Variants in PTPN1 observed in about 807,000 individuals in gnomAD.
PTPN1 encodes tyrosine-protein phosphatase non-receptor type 1.
A neutral mutation model predicts 59.9 loss-of-function variants in PTPN1; 12 were observed. That is an observed-to-expected ratio of 0.20 (90% CI 0.13 to 0.32). PTPN1 has a LOEUF of 0.32. PTPN1 is among the 10% of genes least tolerant of loss of function. PTPN1 has a pLI of 1.00. For synonymous variants in PTPN1, 178 were observed against 203.6 expected (o/e 0.87, Z 1.07); for missense variants, 356 against 549.2 (o/e 0.65, Z 3.52).
intron 2 of PTPN1, chr20:50,563,183 T>C (rs1454413300): frequency 2.6e-5 from 4 of 151,698 alleles, no homozygotes; most frequent in Non-Finnish European, 5.9e-5. Context: ...TCCTCTTATC[T>C]TCCTCCCGTA....
intron 1 of PTPN1, among the ~76,000 whole-genome samples, chr20:50,546,377 T>A (rs1185208747): frequency 6.6e-6 from 1 of 152,198 alleles, no homozygotes; most frequent in Non-Finnish European, 1.5e-5. Flanking sequence ...GTTGCCTGCT[T>A]CCTCTCTTCC....
chr20:50,525,894 G>T (rs904915704), intron 1 of PTPN1, among the ~76,000 whole-genome samples: 1 of 152,112 alleles, frequency 6.6e-6, no homozygotes, highest in Non-Finnish European at 1.5e-5. Flanking sequence ...CTGAAGTGTA[G>T]CCGTTATATG....
At chr20:50,554,618 G>A (rs2082718097) in intron 1 of PTPN1, among the ~76,000 whole-genome samples, 1 of 151,242 alleles carries the variant, frequency 6.6e-6, no homozygotes, top group Non-Finnish European at 1.5e-5. Context: ...TTTATTTAAA[G>A]CAAAAATAAA....
chr20:50,524,567 GTCT>G (rs2082565061), intron 1 of PTPN1, among the ~76,000 whole-genome samples: 1 of 64,112 alleles, frequency 1.6e-5, no homozygotes, highest in African/African-American at 8.0e-5. Context: ...CCATTATGTG[GTCT>G]TTTTTTTTTT....
At chr20:50,552,142 C>T (rs768278965) in intron 1 of PTPN1, among the ~76,000 whole-genome samples, 4 of 152,264 alleles carry the variant, frequency 2.6e-5, no homozygotes, top group East Asian at 1.9e-4. Flanking sequence ...TTTGCTGTTA[C>T]GGTACGGTAG....
intron 1 of PTPN1, among the ~76,000 whole-genome samples, chr20:50,523,453 A>G (rs773880247): frequency 6.6e-5 from 10 of 152,212 alleles, no homozygotes; most frequent in Non-Finnish European, 1.2e-4. Flanking sequence ...TTTTTTGTGT[A>G]TGTGAAATTA....
chr20:50,557,094 C>T (rs1267372087), intron 1 of PTPN1, among the ~76,000 whole-genome samples: 1 of 152,184 alleles, frequency 6.6e-6, no homozygotes, highest in Non-Finnish European at 1.5e-5. Flanking sequence ...TGGTGGTTTG[C>T]TGTCCCCACC....
chr20:50,566,793 A>G (rs2082781237), intron 3 of PTPN1, among the ~76,000 whole-genome samples: 1 of 152,124 alleles, frequency 6.6e-6, no homozygotes, highest in Non-Finnish European at 1.5e-5. Flanking sequence ...CCTTCAGACC[A>G]TTCTAAACTG....
At chr20:50,527,777 C>T (rs1180343944) in intron 1 of PTPN1, among the ~76,000 whole-genome samples, 1 of 152,210 alleles carries the variant, frequency 6.6e-6, no homozygotes, top group Non-Finnish European at 1.5e-5. Flanking sequence ...ATTCCCTTCC[C>T]TGTTTTAATA....
chr20:50,567,852 T>C (rs965965230), intron 3 of PTPN1, among the ~76,000 whole-genome samples: 1 of 152,206 alleles, frequency 6.6e-6, no homozygotes, highest in Non-Finnish European at 1.5e-5. Context: ...GCTAAGTACT[T>C]TATAGAAATG....
intron 1 of PTPN1, among the ~76,000 whole-genome samples, chr20:50,535,984 G>A (rs768899348): frequency 6.6e-6 from 1 of 152,142 alleles, no homozygotes; most frequent in Admixed American, 6.5e-5. Flanking sequence ...AGAGAAAAGA[G>A]GTTAAAATCT....
chr20:50,574,326 C>T (rs948841047), intron 4 of PTPN1, 191 bp from the exon 5 acceptor site: 4 of 562,110 alleles, frequency 7.1e-6, no homozygotes, highest in Non-Finnish European at 6.0e-6. Flanking sequence ...CACAACCTGC[C>T]CCGGTCAGCA....
Position 50,583,957 on chromosome 20 carries a change from C to T in PTPN1, c.*1242C>T, listed in dbSNP as rs1321529104. 1 of 152,610 alleles carries T rather than the reference C, an allele frequency of 6.6e-6. No homozygotes were observed. Among genetic ancestry groups the T allele is most frequent in the Non-Finnish European group, 1.5e-5 (1 of 68,054 alleles). 9.5% of individuals were successfully genotyped at this position (152,610 alleles called of 1,614,324 possible). Reference sequence around the variant, plus strand: ...GAGGCACCTGCTGGAAACCACACTTCTTGAAACAGCCTGGGTGACGGTCCT... The same window carrying T: ...GAGGCACCTGCTGGAAACCACACTTTTTGAAACAGCCTGGGTGACGGTCCT... On this transcript the variant is annotated 3_prime_UTR_variant, in exon 10 of 10. Coordinates refer to ENST00000371621, the MANE Select transcript of PTPN1 (RefSeq NM_002827.4).
chr20:50,580,221 C>T (rs184411000), intron 8 of PTPN1, among the ~76,000 whole-genome samples: 17 of 152,268 alleles, frequency 1.1e-4, no homozygotes, highest in Non-Finnish European at 1.8e-4. Context: ...TTTCTGCCCC[C>T]CCTGACGACA....
At chr20:50,562,906 C>T (rs910442547) in intron 2 of PTPN1, 1 of 152,096 alleles carries the variant, frequency 6.6e-6, no homozygotes, top group Non-Finnish European at 1.5e-5. Flanking sequence ...ATAATCTTGT[C>T]TTTAATATTC....
chr20:50,567,617 C>G (rs1156909008), intron 3 of PTPN1, among the ~76,000 whole-genome samples: 1 of 152,142 alleles, frequency 6.6e-6, no homozygotes, highest in African/African-American at 2.4e-5. Flanking sequence ...AACATCTGTG[C>G]CCATTGCCAG....
At chr20:50,516,974 T>C (rs926051893) in intron 1 of PTPN1, among the ~76,000 whole-genome samples, 5 of 152,254 alleles carry the variant, frequency 3.3e-5, no homozygotes, top group African/African-American at 1.2e-4. Context: ...TGCTTTACTT[T>C]GTGTAGAAAT....
At chr20:50,537,395 T>A (rs1398161668) in intron 1 of PTPN1, among the ~76,000 whole-genome samples, 1 of 152,140 alleles carries the variant, frequency 6.6e-6, no homozygotes, top group Non-Finnish European at 1.5e-5. Context: ...CTTTGCCTAG[T>A]TCCCCCATCC....
rs778546018 is a variant in PTPN1 at position 50,581,333 on chromosome 20, C to T, written c.1157C>T (p.Ser386Phe). ...AGTCTTCGAGGTGCCCAGGCTGCCTCCCCAGCCAAAGGGGAGCCGTCACTG... is the reference window on the plus strand; with the variant it reads ...AGTCTTCGAGGTGCCCAGGCTGCCTTCCCAGCCAAAGGGGAGCCGTCACTG... The part of the protein sequence containing the change: ...GGSLRGAQAA[S>F]PAKGEPSLPE... Residue 386 changes from serine to phenylalanine, a missense_variant, in exon 9 of 10, where the codon TCC becomes TTC. This residue lies in a region of PTPN1 where 62 missense variants were observed against 97.2 expected (regional missense o/e 0.64). Transcript: ENST00000371621. 1.9e-6 allele frequency: 3 copies of T among 1,613,908 alleles called. No homozygotes were observed. Among genetic ancestry groups the T allele is most frequent in the African/African-American group, 1.3e-5 (1 of 74,924 alleles).
Sources: gnomAD v4.1 joint callset for allele counts (sites outside exome capture counted in the v4.1 genomes callset) on GRCh38, gnomAD v4.1.1 for gene constraint, gnomAD v4.1.1 regional missense constraint, MANE v1.5 for transcripts, NCBI Gene and HGNC (gene_info 2026-07-23, HGNC 2026-07-21) for gene names.